The following IGSF21 variants were observed in gnomAD, a reference collection of about 807,000 sequenced individuals.
The protein encoded by IGSF21 is immunoglobin superfamily member 21, also known as immunoglobulin superfamily member 21.
A neutral mutation model predicts 46.8 loss-of-function variants in IGSF21; 28 were observed. The observed-to-expected ratio is 0.60, with a 90% CI of 0.44 to 0.82. The LOEUF (loss-of-function observed/expected upper bound fraction) is 0.82, where lower values mean the gene tolerates loss of function less well. Among genes scored for constraint, IGSF21 ranks in the 40% least tolerant of loss-of-function variants. IGSF21 has a pLI of 0.00. For missense variants in IGSF21, 624 were observed against 665.5 expected (o/e 0.94, Z 0.69); for synonymous variants, 284 against 273.6 (o/e 1.04, Z -0.38).
At chr1:18,284,577 T>C (rs1041668272) in intron 2 of IGSF21, among the ~76,000 whole-genome samples, 2 of 152,340 alleles carry the variant, frequency 1.3e-5, no homozygotes, top group South Asian at 2.1e-4. Context: ...GGGTGTGAGT[T>C]TGTTTAATAT....
intron 2 of IGSF21, among the ~76,000 whole-genome samples, chr1:18,252,044 C>CTTTTTTTTTTTTTTTTTTT (rs1557608067): frequency 1.0e-5 from 1 of 98,982 alleles, no homozygotes; most frequent in African/African-American, 3.5e-5. Context: ...CTGACCAAGG[C>CTTTTTTTTTTTTTTTTTTT]GTTTTTTTTT....
chr1:18,158,926 G>A (rs1386391292), intron 1 of IGSF21, among the ~76,000 whole-genome samples: 2 of 152,192 alleles, frequency 1.3e-5, no homozygotes, highest in African/African-American at 4.8e-5. Flanking sequence ...TCTGGAGATG[G>A]GCGTTACCCC....
intron 1 of IGSF21, among the ~76,000 whole-genome samples, chr1:18,152,427 C>G (rs1309813885): frequency 6.6e-6 from 1 of 152,162 alleles, no homozygotes; most frequent in African/African-American, 2.4e-5. Context: ...GATATTTGAG[C>G]CACAGATCTT....
intron 1 of IGSF21, among the ~76,000 whole-genome samples, chr1:18,143,239 C>T (rs984949517): frequency 1.3e-5 from 2 of 152,164 alleles, no homozygotes; most frequent in Non-Finnish European, 2.9e-5. Flanking sequence ...TTCTGTCGGG[C>T]CTGGGCTCAG....
chr1:18,126,334 G>A (rs2086274284), intron 1 of IGSF21, among the ~76,000 whole-genome samples: 1 of 152,208 alleles, frequency 6.6e-6, no homozygotes, highest in South Asian at 2.1e-4. Flanking sequence ...AGGAAGTGCA[G>A]GCCATCTGGG....
At chr1:18,378,176 G>T (rs760096587) in intron 9 of IGSF21, 80 bp from the exon 10 acceptor site, 123 of 1,189,814 alleles carry the variant, frequency 1.0e-4, no homozygotes, top group East Asian at 2.3e-4. Context: ...CAGCGTCTTT[G>T]TTGGGGACCT....
At chr1:18,192,973 G>A (rs2086972225) in intron 1 of IGSF21, among the ~76,000 whole-genome samples, 1 of 152,026 alleles carries the variant, frequency 6.6e-6, no homozygotes, top group Non-Finnish European at 1.5e-5. Context: ...GGCAACACTG[G>A]AATCCTGGTC....
Position 18,286,117 on chromosome 1 carries a change from T to C in IGSF21, c.184-5749T>C, listed in dbSNP as rs1166542994. ...AGAGCTGTGTGACCCCAAAAGCCTCTGCACATTTCCCATATCCCCAACCTC... is the reference window on the plus strand; with the variant it reads ...AGAGCTGTGTGACCCCAAAAGCCTCCGCACATTTCCCATATCCCCAACCTC... On this transcript the variant is annotated intron_variant, in intron 2 of 9. Coordinates refer to ENST00000251296, the MANE Select transcript of IGSF21 (RefSeq NM_032880.5). Among the ~76,000 whole-genome samples the C allele has an allele frequency of 1.9e-4, 29 of 152,222 alleles. 1 individual carries two copies. Among genetic ancestry groups the C allele is most frequent in the Admixed American group, 1.7e-3 (26 of 15,284 alleles).
intron 2 of IGSF21, among the ~76,000 whole-genome samples, chr1:18,250,841 T>C (rs748493881): frequency 2.0e-5 from 3 of 152,134 alleles, no homozygotes; most frequent in Non-Finnish European, 4.4e-5. Flanking sequence ...TCTGCTTTAG[T>C]GGGGTGAGGA....
intron 3 of IGSF21, among the ~76,000 whole-genome samples, chr1:18,311,053 G>A (rs762255832): frequency 1.3e-5 from 2 of 152,124 alleles, no homozygotes; most frequent in Non-Finnish European, 2.9e-5. Flanking sequence ...ACATCCACAG[G>A]TCTCAGGGGT....
chr1:18,351,616 T>A (rs2085956217), intron 4 of IGSF21, among the ~76,000 whole-genome samples: 1 of 152,194 alleles, frequency 6.6e-6, no homozygotes, highest in South Asian at 2.1e-4. Context: ...TGGCCAGTTC[T>A]TGAATGTGCC....
intron 3 of IGSF21, among the ~76,000 whole-genome samples, chr1:18,314,147 C>T (rs2085517324): frequency 6.6e-6 from 1 of 152,236 alleles, no homozygotes. Context: ...AGTTTCTCAG[C>T]TCACCGTGTC....
chr1:18,330,158 C>G (rs1328009080), intron 3 of IGSF21, among the ~76,000 whole-genome samples: 1 of 152,170 alleles, frequency 6.6e-6, no homozygotes, highest in African/African-American at 2.4e-5. Context: ...CCACTCAATT[C>G]TGGGGAAAGG....
chr1:18,324,382 G>A (rs1040044928), intron 3 of IGSF21, among the ~76,000 whole-genome samples: 2 of 152,202 alleles, frequency 1.3e-5, no homozygotes, highest in African/African-American at 2.4e-5. Flanking sequence ...CTCCACATCC[G>A]CCTCTGGATG....
rs555404363 is a variant in IGSF21 at position 18,375,729 on chromosome 1, G to A, written c.1016-581G>A. Among the ~76,000 whole-genome samples the A allele has an allele frequency of 3.0e-4, 45 of 152,266 alleles. No individual in the cohort carries two copies. In the South Asian group the frequency reaches 8.3e-3, roughly 28 times the overall value. ...GCACTGACTCAGGAGTAGGAGACCC[G>A]CACCTTGATCTTGGCTCTCCTCAAG... On this transcript the variant is annotated intron_variant, in intron 6 of 9. Transcript: ENST00000251296.
At chr1:18,206,542 C>G (rs2084329516) in intron 1 of IGSF21, among the ~76,000 whole-genome samples, 1 of 148,030 alleles carries the variant, frequency 6.8e-6, no homozygotes, top group Non-Finnish European at 1.5e-5. Flanking sequence ...GAGTGAGACC[C>G]CGTCTCAAAA....
chr1:18,120,369 C>T (rs553918809), intron 1 of IGSF21, among the ~76,000 whole-genome samples: 1 of 152,282 alleles, frequency 6.6e-6, no homozygotes, highest in Admixed American at 6.5e-5. Flanking sequence ...CCAACTTTAC[C>T]CTCTTCCTGC....
intron 2 of IGSF21, among the ~76,000 whole-genome samples, chr1:18,242,040 C>T (rs547934847): frequency 1.0e-3 from 158 of 152,294 alleles, no homozygotes; most frequent in African/African-American, 3.6e-3. Flanking sequence ...GACATGGCTG[C>T]TTCAGGCTGT....
intron 2 of IGSF21, among the ~76,000 whole-genome samples, chr1:18,281,054 A>G (rs1251823009): frequency 6.6e-6 from 1 of 152,104 alleles, no homozygotes; most frequent in African/African-American, 2.4e-5. Flanking sequence ...CATTCTGTGA[A>G]CTCCCTGATG....
Sources: allele counts gnomAD v4.1 joint callset (sites outside exome capture counted in the v4.1 genomes callset), GRCh38; gene constraint gnomAD v4.1.1; transcripts MANE v1.5; gene names NCBI Gene and HGNC (gene_info 2026-07-23, HGNC 2026-07-21).